The following TMCC3 variants were observed in gnomAD, a reference collection of about 807,000 sequenced individuals.
TMCC3 encodes the protein transmembrane and coiled-coil domain family 3, also known as transmembrane and coiled-coil domain protein 3.
A neutral mutation model predicts 40.2 loss-of-function variants in TMCC3; 28 were observed. That is an observed-to-expected ratio of 0.70 (90% CI 0.52 to 0.95). The LOEUF (loss-of-function observed/expected upper bound fraction) is 0.95, where lower values mean the gene tolerates loss of function less well. TMCC3 is among the 40% of genes least tolerant of loss of function. The pLI is 0.00. For missense variants in TMCC3, 554 were observed against 615.2 expected (o/e 0.90, Z 1.05); for synonymous variants, 255 against 248.5 (o/e 1.03, Z -0.25).
intron 1 of TMCC3, among the ~76,000 whole-genome samples, chr12:94,650,000 C>T (rs1377455408): frequency 6.6e-6 from 1 of 152,186 alleles, no homozygotes; most frequent in South Asian, 2.1e-4. Flanking sequence ...CCTGGAGACG[C>T]GGGGCCGCGG....
At chr12:94,580,427 C>T (rs1453856330) in intron 2 of TMCC3, among the ~76,000 whole-genome samples, 3 of 152,006 alleles carry the variant, frequency 2.0e-5, no homozygotes, top group South Asian at 2.1e-4. Context: ...GAGCAAACTA[C>T]AGAACATAAA....
intron 1 of TMCC3, among the ~76,000 whole-genome samples, chr12:94,591,804 T>C (rs2068677682): frequency 6.6e-6 from 1 of 152,088 alleles, no homozygotes; most frequent in Non-Finnish European, 1.5e-5. Context: ...CCCTAGCCCA[T>C]CTCCCTCTTG....
chr12:94,596,312 A>G (rs41347046), intron 1 of TMCC3, among the ~76,000 whole-genome samples: 46,251 of 152,144 alleles, frequency 0.3, 7,325 homozygotes, highest in African/African-American at 0.36. Flanking sequence ...CTAAGAAGAC[A>G]CAGAGCCAGG....
chr12:94,620,895 T>G (rs2068872635), intron 1 of TMCC3, among the ~76,000 whole-genome samples: 1 of 152,232 alleles, frequency 6.6e-6, no homozygotes, highest in African/African-American at 2.4e-5. Flanking sequence ...CCCCTTGTGC[T>G]AAACATGCGT....
intron 1 of TMCC3, among the ~76,000 whole-genome samples, chr12:94,585,923 A>G (rs1481710286): frequency 6.6e-6 from 1 of 152,146 alleles, no homozygotes; most frequent in African/African-American, 2.4e-5. Flanking sequence ...AAGTTCACGT[A>G]CTTCCCTAGG....
intron 1 of TMCC3, among the ~76,000 whole-genome samples, chr12:94,599,556 ACCCCC>A (rs10545928): frequency 6.8e-4 from 47 of 69,418 alleles, no homozygotes; most frequent in African/African-American, 1.7e-3. Flanking sequence ...TTTAAAAGAT[ACCCCC>A]CCCCCCGCCC....
At chr12:94,650,114 G>T (rs1190591661) in intron 1 of TMCC3, among the ~76,000 whole-genome samples, 1 of 152,120 alleles carries the variant, frequency 6.6e-6, no homozygotes, top group Non-Finnish European at 1.5e-5. Flanking sequence ...CATAGCGCGC[G>T]GGGACCTGGG....
At chr12:94,649,615 G>C (rs1185031390) in intron 1 of TMCC3, among the ~76,000 whole-genome samples, 4 of 152,214 alleles carry the variant, frequency 2.6e-5, no homozygotes, top group Non-Finnish European at 5.9e-5. Flanking sequence ...TATTCACCGG[G>C]GAGGGCGAAG....
chr12:94,650,330 G>A, intron 1 of TMCC3, 23 bp downstream of exon 1: 2 of 1,253,182 alleles, frequency 1.6e-6, no homozygotes, highest in Middle Eastern at 3.1e-4. Context: ...CGCACCCGCC[G>A]CCCCCCAGCC....
Position 94,591,386 on chromosome 12 carries a change from C to T in TMCC3, c.79-8848G>A, listed in dbSNP as rs1342736107. 2.1e-5 allele frequency among the ~76,000 whole-genome samples: 3 copies of T among 145,844 alleles called. No homozygotes were observed. The East Asian group carries it at 6.1e-4, about 29-fold the overall frequency. ...TTCAGGACTTGTTTTGCTCTGTTAT[C>T]CTTACAGACAATTTCTGATTTTTTT... On this transcript the variant is annotated intron_variant, in intron 1 of 3. Coordinates refer to ENST00000261226, the MANE Select transcript of TMCC3 (RefSeq NM_020698.4).
Position 94,582,288 on chromosome 12 carries a change from C to A in TMCC3, c.329G>T (p.Arg110Leu). The A allele has an allele frequency of 2.5e-6, 4 of 1,614,052 alleles. No individual in the cohort carries two copies. The highest frequency in any genetic ancestry group is 2.5e-6 in the Non-Finnish European group (3 of 1,180,012). Residue 110 changes from arginine to leucine, a missense_variant, in exon 2 of 4, where the codon CGT becomes CTT. Transcript: ENST00000261226. The part of the protein sequence containing the change: ...VNNADKQQAG[R>L]IKQVFEKKNQ... ...CTTCTTCTCAAAGACTTGCTTGATA[C>A]GTCCCGCCTGCTGCTTGTCTGCGTT...
At chr12:94,605,911 A>G (rs965261535) in intron 1 of TMCC3, among the ~76,000 whole-genome samples, 1 of 152,220 alleles carries the variant, frequency 6.6e-6, no homozygotes, top group African/African-American at 2.4e-5. Flanking sequence ...TGAATGCAGG[A>G]AAGTACCACG....
At chr12:94,604,217 A>G (rs568240301) in intron 1 of TMCC3, among the ~76,000 whole-genome samples, 1 of 152,320 alleles carries the variant, frequency 6.6e-6, no homozygotes, top group African/African-American at 2.4e-5. Context: ...TTGTTTTATT[A>G]CATAATAGTC....
chr12:94,577,602 T>C (rs2068573494), intron 3 of TMCC3, among the ~76,000 whole-genome samples: 1 of 152,154 alleles, frequency 6.6e-6, no homozygotes, highest in Non-Finnish European at 1.5e-5. Flanking sequence ...ACTGCTCCCA[T>C]GGTCCACAGC....
At chr12:94,626,234 C>T (rs2068903666) in intron 1 of TMCC3, among the ~76,000 whole-genome samples, 2 of 152,240 alleles carry the variant, frequency 1.3e-5, no homozygotes, top group Admixed American at 1.3e-4. Context: ...CCTCCCTCGA[C>T]ATGTGGGGAT....
chr12:94,598,523 A>G, intron 1 of TMCC3: 1 of 949,750 alleles, frequency 1.1e-6, no homozygotes, highest in Non-Finnish European at 1.3e-6. Flanking sequence ...ATTCATAAGT[A>G]GGAGAAGAAA....
At chr12:94,580,672 T>A (rs1395413778) in intron 2 of TMCC3, among the ~76,000 whole-genome samples, 1 of 152,032 alleles carries the variant, frequency 6.6e-6, no homozygotes, top group Non-Finnish European at 1.5e-5. Flanking sequence ...AAGGCAGAGG[T>A]TGCAGTGAGC....
At chr12:94,610,452 T>C (rs1281373508) in intron 1 of TMCC3, among the ~76,000 whole-genome samples, 11 of 151,904 alleles carry the variant, frequency 7.2e-5, no homozygotes, top group Non-Finnish European at 8.8e-5. Context: ...AATTTTTTTT[T>C]CAAGAGATAT....
In TMCC3 at chr12:94,604,885, C is replaced by T. The variant is rs74422243; in HGVS notation, c.79-22347G>A. The stretch of plus-strand genomic sequence containing the variant: ...ATAAGCAGGGGGCTTCAATGAGAAG[C>T]TTCTGAGAAGGTGATAATTGACTTA... On this transcript the variant is annotated intron_variant, in intron 1 of 3. Transcript: ENST00000261226. 7.7e-3 allele frequency among the ~76,000 whole-genome samples: 1,159 copies of T among 150,652 alleles called. 11 individuals are homozygous for T. Among genetic ancestry groups the T allele is most frequent in the African/African-American group, 0.027 (1,099 of 40,976 alleles).
Sources: allele counts gnomAD v4.1 joint callset (sites outside exome capture counted in the v4.1 genomes callset), GRCh38; gene constraint gnomAD v4.1.1; transcripts MANE v1.5; gene names NCBI Gene and HGNC (gene_info 2026-07-23, HGNC 2026-07-21).